Variants in SEZ6L2 observed in about 807,000 individuals in gnomAD.
The protein encoded by SEZ6L2 is seizure related 6 homolog like 2, also known as seizure 6-like protein 2.
A neutral mutation model predicts 97.0 loss-of-function variants in SEZ6L2; 44 were observed. That is an observed-to-expected ratio of 0.45 (90% CI 0.36 to 0.58). SEZ6L2 has a LOEUF of 0.58. SEZ6L2 is among the 20% of genes least tolerant of loss of function. SEZ6L2 has a pLI of 0.00. For missense variants in SEZ6L2, 1,086 were observed against 1,233.3 expected (o/e 0.88, Z 1.79); for synonymous variants, 543 against 546.1 (o/e 0.99, Z 0.08).
intron 12 of SEZ6L2, among the ~76,000 whole-genome samples, chr16:29,875,665 C>CTTTTT (rs11443146): frequency 1.3e-4 from 16 of 121,020 alleles, no homozygotes; most frequent in African/African-American, 2.6e-4. Context: ...TTCTTTCTTT[C>CTTTTT]TTTTTTTTTT....
intron 5 of SEZ6L2, among the ~76,000 whole-genome samples, chr16:29,891,430 A>G (rs1046103366): frequency 6.6e-6 from 1 of 151,562 alleles, no homozygotes; most frequent in African/African-American, 2.4e-5. Context: ...CTATGAGGTC[A>G]GGAGTTCCAG....
Position 29,897,099 on chromosome 16 carries a change from T to G in SEZ6L2, c.234A>C (p.Leu78=). 6.3e-7 allele frequency: 1 copy of G among 1,578,668 alleles called. No homozygotes were observed. Among genetic ancestry groups the G allele is most frequent in the Non-Finnish European group, 8.5e-7 (1 of 1,169,828 alleles). Residue 78 remains leucine (L), a synonymous_variant, in exon 3 of 18, where the codon CTA becomes CTC. Coordinates refer to ENST00000617533, the MANE Select transcript of SEZ6L2 (RefSeq NM_001243332.2). The stretch of plus-strand genomic sequence containing the variant: ...GAGTCTGGCCGGCCGGAGGGGTGGC[T>G]AGCGTGGGGTCCCGATCAGATCCTG... The part of the protein sequence containing the change: ...YLPGSDRDPT[L]ATPPAGQTLA...
In SEZ6L2 at chr16:29,896,874, CG is replaced by C; in HGVS notation, c.458del (p.Thr153ArgfsTer15). On this transcript the variant is annotated frameshift_variant, in exon 3 of 18. Coordinates refer to ENST00000617533, the MANE Select transcript of SEZ6L2 (RefSeq NM_001243332.2). LOFTEE classifies it high-confidence loss of function. Reference sequence around the variant, plus strand: ...TTGTCGTGGTGATGATGGTGGTCGTCGTCTCCTCCTCTCCTCCCTCAGGCCC... The same window carrying C: ...TTGTCGTGGTGATGATGGTGGTCGTCTCTCCTCCTCTCCTCCCTCAGGCCC... ...PLGPEGGEEE[T>X]TTTIITTTTV... 6.2e-7 allele frequency: 1 copy of C among 1,614,042 alleles called. No homozygotes were observed. The highest frequency in any genetic ancestry group is 8.5e-7 in the Non-Finnish European group (1 of 1,179,960).
rs779291204 is a variant in SEZ6L2, at chr16:29,896,954, G to C, written c.379C>G (p.Pro127Ala). The C allele has an allele frequency of 1.9e-6, 3 of 1,598,914 alleles. No individual in the cohort carries two copies. Among genetic ancestry groups the C allele is most frequent in the Non-Finnish European group, 2.6e-6 (3 of 1,174,090 alleles). Residue 127 changes from proline (P) to alanine (A), a missense_variant, in exon 3 of 18, where the codon CCA (proline) becomes GCA (alanine). Around this residue, in one of 2 missense-constraint regions of SEZ6L2, gnomAD observed 776 missense variants for 794.7 expected, o/e 0.98. Transcript: ENST00000617533. ...PTAPELLTPP[P>A]GTTAPPPPSP... ...GGTGGGGGTGGGGCTGTGGTTCCTGGGGGCGGGGTCAGCAGTTCTGGCGCA... is the reference window on the plus strand; with the variant it reads ...GGTGGGGGTGGGGCTGTGGTTCCTGCGGGCGGGGTCAGCAGTTCTGGCGCA...
intron 5 of SEZ6L2, among the ~76,000 whole-genome samples, chr16:29,894,830 G>T (rs1030336130): frequency 6.6e-6 from 1 of 152,048 alleles, no homozygotes; most frequent in East Asian, 1.9e-4. Flanking sequence ...CCCCAGGGTC[G>T]CAGTCAGGAG....
At position 29,876,678 on chromosome 16, in the gene SEZ6L2, G is replaced by A; in HGVS notation, c.2104+78C>T. The A allele has an allele frequency of 3.0e-6, 4 of 1,322,766 alleles. No individual in the cohort carries two copies. Among genetic ancestry groups the A allele is most frequent in the African/African-American group, 1.5e-5 (1 of 68,164 alleles). 81.9% of individuals were successfully genotyped at this position (1,322,766 alleles called of 1,614,324 possible). ...AGGGATGGAACCCAGAAAGCACGGG[G>A]GTCGGGACAGGACAGGCCGACGACG... On this transcript the variant is annotated intron_variant, in intron 12 of 17. Coordinates refer to ENST00000617533, the MANE Select transcript of SEZ6L2 (RefSeq NM_001243332.2). The surrounding 1 kb of genome is among the most constrained non-coding windows in gnomAD (Gnocchi z 6.5).
chr16:29,894,324 A>G (rs904758862), intron 5 of SEZ6L2, among the ~76,000 whole-genome samples: 2 of 152,192 alleles, frequency 1.3e-5, no homozygotes, highest in African/African-American at 4.8e-5. Flanking sequence ...TCTATCTTCC[A>G]TGCTGAATTC....
rs1405962491 is a variant in SEZ6L2, at chr16:29,878,423, T to C, written c.1576A>G (p.Met526Val). 3.1e-6 allele frequency: 5 copies of C among 1,592,210 alleles called. No individual in the cohort carries two copies. Among genetic ancestry groups the C allele is most frequent in the African/African-American group, 1.3e-5 (1 of 74,232 alleles). Residue 526 changes from methionine (M) to valine (V), a missense_variant and splice_region_variant, in exon 10 of 18, where the codon ATG (methionine) becomes GTG (valine). Transcript: ENST00000617533. ...WNDTEPACKAMCGGELSEPAG... is the reference protein window; with the variant it reads ...WNDTEPACKAVCGGELSEPAG... ...GGTTCCGACAGCTCCCCTCCACACA[T>C]GGCTAGGGAAAAAGGGGTGTCAGGT... is the stretch of plus-strand genomic sequence containing the variant.
At position 29,895,430 on chromosome 16, in the gene SEZ6L2, C is replaced by A. The variant is rs2068363303; in HGVS notation, c.682G>T (p.Glu228Ter). Residue 228 changes from glutamate (E) to a stop codon, truncating the protein, a stop_gained, in exon 5 of 18, where the codon GAG (glutamate) becomes TAG (stop). Transcript: ENST00000617533. LOFTEE classifies it high-confidence loss of function. Reference protein sequence around the residue: ...VQTLNLSQEEELLVLAGGGSP... With the variant: ...VQTLNLSQEE ...CCCCCACCAGCCAGCACCAGGAGCT[C>A]CTCTTCCTGTGACAGGTTCAGCGTC... 1 of 1,613,990 alleles carries A rather than the reference C, an allele frequency of 6.2e-7. No individual in the cohort carries two copies. Among genetic ancestry groups the A allele is most frequent in the African/African-American group, 1.3e-5 (1 of 74,910 alleles).
chr16:29,893,324 C>T, intron 5 of SEZ6L2, among the ~76,000 whole-genome samples: 1 of 151,406 alleles, frequency 6.6e-6, no homozygotes, highest in South Asian at 2.1e-4. Flanking sequence ...AACTCCATCT[C>T]AAATAAATAA....
rs1484292728 is a variant in SEZ6L2 at position 29,888,648 on chromosome 16, T to C, written c.931A>G (p.Thr311Ala). The change falls in exon 6 of 18, where the codon ACT becomes GCT. Residue 311 changes from threonine (T) to alanine (A), a missense_variant. By Grantham distance (58) the Thr-to-Ala change is moderately conservative. Coordinates refer to ENST00000617533, the MANE Select transcript of SEZ6L2 (RefSeq NM_001243332.2). ...CCCGAATCACAGTGAAAGGTGGCAGTGCCCCCAGGGTGCAGGTCCGTCACA... is the reference window on the plus strand; with the variant it reads ...CCCGAATCACAGTGAAAGGTGGCAGCGCCCCCAGGGTGCAGGTCCGTCACA... ...VSVTDLHPGGTATFHCDSGYQ... is the reference protein window; with the variant it reads ...VSVTDLHPGGAATFHCDSGYQ... 9 of 1,613,908 alleles carry C rather than the reference T, an allele frequency of 5.6e-6. No homozygotes were observed. The highest frequency in any genetic ancestry group is 1.7e-5 in the Admixed American group (1 of 59,978).
chr16:29,892,034 T>G (rs1258881839), intron 5 of SEZ6L2, among the ~76,000 whole-genome samples: 3 of 152,208 alleles, frequency 2.0e-5, no homozygotes, highest in African/African-American at 7.2e-5. Context: ...CTTTGAGTCT[T>G]TTCCTTCCTT....
At chr16:29,884,526 G>A (rs1476858322) in intron 8 of SEZ6L2, among the ~76,000 whole-genome samples, 2 of 150,118 alleles carry the variant, frequency 1.3e-5, no homozygotes, top group Non-Finnish European at 3.0e-5. Flanking sequence ...TGGAGGAGGG[G>A]GGCTGCAGTG....
At chr16:29,881,205 G>A (rs943125337) in intron 8 of SEZ6L2, among the ~76,000 whole-genome samples, 1 of 152,080 alleles carries the variant, frequency 6.6e-6, no homozygotes, top group African/African-American at 2.4e-5. Flanking sequence ...CACTGAGCTA[G>A]CCAAATCCCA....
At chr16:29,879,646 C>T (rs1249123388) in intron 9 of SEZ6L2, among the ~76,000 whole-genome samples, 1 of 152,228 alleles carries the variant, frequency 6.6e-6, no homozygotes, top group Admixed American at 6.5e-5. Context: ...CAGCAGTTCT[C>T]GCTCTTGAAG....
At chr16:29,878,506 G>T in intron 9 of SEZ6L2, 81 bp from the exon 10 acceptor site, 1 of 1,264,572 alleles carries the variant, frequency 7.9e-7, no homozygotes, top group Non-Finnish European at 1.1e-6. Flanking sequence ...CACTCGTGAT[G>T]CGTGCACCAC....
In SEZ6L2 at chr16:29,888,742, G is replaced by A; in HGVS notation, c.854-17C>T. 1 of 1,597,978 alleles carries A rather than the reference G, an allele frequency of 6.3e-7. No homozygotes were observed. The highest frequency in any genetic ancestry group is 8.5e-7 in the Non-Finnish European group (1 of 1,172,084). On this transcript the variant is annotated splice_polypyrimidine_tract_variant and intron_variant, in intron 5 of 17. Coordinates refer to ENST00000617533, the MANE Select transcript of SEZ6L2 (RefSeq NM_001243332.2). ...GGAGGTAGGCTGCACCAGACAGACA[G>A]CGGGTAGCAGGGCTCACTTTCCCAT...
intron 2 of SEZ6L2, 49 bp from the exon 3 acceptor site, chr16:29,897,170 C>A: frequency 7.0e-7 from 1 of 1,437,542 alleles, no homozygotes; most frequent in Non-Finnish European, 9.2e-7. Flanking sequence ...ACATGGAGGA[C>A]CTTGGGTGGG....
intron 9 of SEZ6L2, among the ~76,000 whole-genome samples, 187 bp from the exon 10 acceptor site, chr16:29,878,612 AGT>A (rs1256121081): frequency 4.0e-5 from 6 of 151,430 alleles, no homozygotes; most frequent in Non-Finnish European, 8.8e-5. Context: ...TTTGAGACGG[AGT>A]CTCTCTGTCG....
Sources: allele counts gnomAD v4.1 joint callset (sites outside exome capture counted in the v4.1 genomes callset), GRCh38; gene constraint gnomAD v4.1.1; regional missense constraint gnomAD v4.1.1; non-coding constraint Gnocchi (gnomAD v3.1); transcripts MANE v1.5; gene names NCBI Gene and HGNC (gene_info 2026-07-23, HGNC 2026-07-21).